The following PTPRM variants were observed in gnomAD, a reference collection of about 807,000 sequenced individuals.
The protein encoded by PTPRM is receptor-type tyrosine-protein phosphatase mu.
PTPRM carries 47 observed loss-of-function variants against 186.7 expected under a neutral mutation model. The ratio of observed to expected loss-of-function variants is 0.25; its 90% CI spans 0.20 to 0.32. The LOEUF is 0.32. PTPRM is among the 10% of genes least tolerant of loss of function. PTPRM has a pLI of 1.00. For synonymous variants in PTPRM, 668 were observed against 674.9 expected, an observed-to-expected ratio of 0.99 and a Z score of 0.16; for missense variants, 1,494 against 1,865.0, an observed-to-expected ratio of 0.80 and a Z score of 3.66.
chr18:8,280,124 C>T (rs1003255001), intron 19 of PTPRM, among the ~76,000 whole-genome samples: 1 of 152,070 alleles, frequency 6.6e-6, no homozygotes, highest in Non-Finnish European at 1.5e-5. Flanking sequence ...GTTACTTTCT[C>T]ACAGTCTGGA....
At chr18:7,933,785 G>T (rs991700358) in intron 5 of PTPRM, among the ~76,000 whole-genome samples, 4 of 152,210 alleles carry the variant, frequency 2.6e-5, no homozygotes, top group African/African-American at 9.6e-5. Context: ...TGCAGTTCCT[G>T]TTCAGAGGAT....
chr18:8,387,763 TGTGC>T (rs2095786947), intron 31 of PTPRM, among the ~76,000 whole-genome samples: 1 of 80,444 alleles, frequency 1.2e-5, no homozygotes, highest in African/African-American at 4.8e-5. Context: ...TGTGCGTGTG[TGTGC>T]GCGCGCGTGC....
chr18:7,622,306 G>A (rs750539115), intron 1 of PTPRM, among the ~76,000 whole-genome samples: 19 of 151,368 alleles, frequency 1.3e-4, no homozygotes, highest in Non-Finnish European at 2.8e-4. Flanking sequence ...TTCCTTTATC[G>A]ATCAAGCTTC....
At chr18:7,703,146 G>C (rs1341037636) in intron 1 of PTPRM, among the ~76,000 whole-genome samples, 3 of 151,626 alleles carry the variant, frequency 2.0e-5, no homozygotes, top group African/African-American at 7.3e-5. Context: ...GCTCAGGATT[G>C]TCTTGGCTCT....
chr18:7,664,066 G>A (rs935166226), intron 1 of PTPRM, among the ~76,000 whole-genome samples: 6 of 152,106 alleles, frequency 3.9e-5, no homozygotes, highest in African/African-American at 1.5e-4. Flanking sequence ...AAAGGGTAAG[G>A]GCTTACTCAT....
At position 8,278,091 on chromosome 18, in the gene PTPRM, A is replaced by G. The variant is rs562715110; in HGVS notation, c.2755-18277A>G. Among the ~76,000 whole-genome samples the G allele has an allele frequency of 2.0e-5, 3 of 152,358 alleles. No individual in the cohort carries two copies. In the East Asian group the frequency reaches 5.8e-4, roughly 29 times the overall value. Reference sequence around the variant, plus strand: ...AGCTCTTTTGTGGCCAACCACACATAGCTATTTCTCCATACCTACTCATAT... The same window carrying G: ...AGCTCTTTTGTGGCCAACCACACATGGCTATTTCTCCATACCTACTCATAT... On this transcript the variant is annotated intron_variant, in intron 19 of 32. Coordinates refer to ENST00000580170, the MANE Select transcript of PTPRM (RefSeq NM_001105244.2).
chr18:8,110,796 C>T (rs1156229061), intron 11 of PTPRM, among the ~76,000 whole-genome samples: 7 of 152,164 alleles, frequency 4.6e-5, no homozygotes, highest in African/African-American at 7.2e-5. Context: ...GAGGTCAAAG[C>T]CAACATTATC....
chr18:8,348,114 A>G (rs1218500446), intron 23 of PTPRM, among the ~76,000 whole-genome samples: 1 of 152,280 alleles, frequency 6.6e-6, no homozygotes, highest in Non-Finnish European at 1.5e-5. Context: ...TCAAAATGAC[A>G]TGGTTTTTAA....
intron 1 of PTPRM, among the ~76,000 whole-genome samples, chr18:7,715,227 CATTACA>C (rs1471674637): frequency 1.3e-5 from 2 of 152,134 alleles, no homozygotes; most frequent in Admixed American, 1.3e-4. Flanking sequence ...AAACGTAATC[CATTACA>C]TAAACAAAAC....
intron 19 of PTPRM, among the ~76,000 whole-genome samples, chr18:8,273,818 C>T (rs1031760678): frequency 6.6e-5 from 10 of 152,190 alleles, no homozygotes; most frequent in Admixed American, 3.3e-4. Flanking sequence ...AAATGGAGCT[C>T]GCCAAACAAT....
At chr18:8,242,829 C>CCT (rs2094444382) in intron 14 of PTPRM, among the ~76,000 whole-genome samples, 2 of 152,110 alleles carry the variant, frequency 1.3e-5, no homozygotes, top group South Asian at 4.2e-4. Flanking sequence ...TTAGCAATCA[C>CCT]CTAATATGAG....
chr18:8,375,304 G>A (rs776155108), intron 24 of PTPRM, among the ~76,000 whole-genome samples: 1 of 152,138 alleles, frequency 6.6e-6, no homozygotes, highest in African/African-American at 2.4e-5. Flanking sequence ...TGGCTTACAT[G>A]CCTGTTTGCC....
intron 1 of PTPRM, among the ~76,000 whole-genome samples, chr18:7,753,724 C>T (rs984532555): frequency 6.6e-6 from 1 of 152,154 alleles, no homozygotes; most frequent in African/African-American, 2.4e-5. Flanking sequence ...GTTTTAAATG[C>T]TTAAATTTAC....
chr18:8,243,999 G>A (rs1033427470), intron 14 of PTPRM, 59 bp from the exon 15 acceptor site: 2 of 1,492,486 alleles, frequency 1.3e-6, no homozygotes, highest in Non-Finnish European at 1.8e-6. Context: ...CAATATACAT[G>A]CCAAAGCTCT....
At chr18:8,156,228 A>G (rs1242994567) in intron 14 of PTPRM, among the ~76,000 whole-genome samples, 2 of 152,186 alleles carry the variant, frequency 1.3e-5, no homozygotes, top group African/African-American at 4.8e-5. Flanking sequence ...TTCTTGACTC[A>G]ACCTAATGGG....
chr18:7,779,141 G>A (rs527992869), intron 2 of PTPRM, among the ~76,000 whole-genome samples: 18 of 152,204 alleles, frequency 1.2e-4, no homozygotes, highest in Admixed American at 3.9e-4. Flanking sequence ...AGCTATAACC[G>A]TAGCTATTTG....
intron 2 of PTPRM, among the ~76,000 whole-genome samples, chr18:7,848,010 C>G (rs1405712627): frequency 2.0e-5 from 3 of 152,278 alleles, no homozygotes; most frequent in African/African-American, 7.2e-5. Flanking sequence ...TAGAGGAAAT[C>G]TTCCTATCAA....
intron 21 of PTPRM, among the ~76,000 whole-genome samples, chr18:8,317,737 G>C (rs958147408): frequency 6.6e-6 from 1 of 152,152 alleles, no homozygotes; most frequent in Non-Finnish European, 1.5e-5. Context: ...TCATGCTGCC[G>C]ATGGCCAAGT....
Position 8,394,471 on chromosome 18 carries a change from G to T in PTPRM, c.4209-5G>T. On this transcript the variant is annotated splice_region_variant and splice_polypyrimidine_tract_variant and intron_variant, in intron 31 of 32. Coordinates refer to ENST00000580170, the MANE Select transcript of PTPRM (RefSeq NM_001105244.2). Reference sequence around the variant, plus strand: ...AGTGCAGTCATCTGATCTTTTTCACGACAGGAACGGGGGAGGCCGCAGTGG... The same window carrying T: ...AGTGCAGTCATCTGATCTTTTTCACTACAGGAACGGGGGAGGCCGCAGTGG... 2 of 1,604,268 alleles carry T rather than the reference G, an allele frequency of 1.2e-6. No homozygotes were observed. The highest frequency in any genetic ancestry group is 1.7e-6 in the Non-Finnish European group (2 of 1,175,102).
Sources: allele counts gnomAD v4.1 joint callset (sites outside exome capture counted in the v4.1 genomes callset), GRCh38; gene constraint gnomAD v4.1.1; transcripts MANE v1.5; gene names NCBI Gene and HGNC (gene_info 2026-07-23, HGNC 2026-07-21).